Variants in GMDS observed in about 807,000 individuals in gnomAD.
GMDS encodes the protein GDP-mannose 4,6 dehydratase.
A neutral mutation model predicts 49.9 loss-of-function variants in GMDS; 20 were observed. The observed-to-expected ratio is 0.40, with a 90% confidence interval of 0.28 to 0.58. The LOEUF is 0.58. Among genes scored for constraint, GMDS ranks in the 20% least tolerant of loss-of-function variants. The pLI is 0.42. For synonymous variants in GMDS, 177 were observed against 178.6 expected (o/e 0.99, Z 0.07); for missense variants, 362 against 481.4 (o/e 0.75, Z 2.32).
rs1281246054 is a variant in GMDS at position 2,185,990 on chromosome 6, G to A, written c.102+59331C>T. On this transcript the variant is annotated intron_variant, in intron 1 of 10. Transcript: ENST00000380815. ...TTTAGTAATAATTCTCAAAAAATAA[G>A]TTAACATATATTTATTAAATTCTTA... 2.1e-5 allele frequency among the ~76,000 whole-genome samples: 3 copies of A among 145,490 alleles called. No individual in the cohort carries two copies. The East Asian group carries it at 5.8e-4, about 28-fold the overall frequency.
At position 1,833,846 on chromosome 6, in the gene GMDS, T is replaced by C; in HGVS notation, c.772-91260A>G. Among the ~76,000 whole-genome samples the C allele has an allele frequency of 6.6e-6, 1 of 152,212 alleles. No homozygotes were observed. The highest frequency in any genetic ancestry group is 2.1e-4 in the South Asian group (1 of 4,824). On this transcript the variant is annotated intron_variant, in intron 7 of 10. Transcript: ENST00000380815. This position sits in a 1 kb window ranked among gnomAD's most constrained non-coding sequence, Gnocchi z 4.4. ...ACAAACAAAGTAAATTAAGAAGTTGTTGGTTAGGTTTTCTCTATTTCTAGT... is the reference window on the plus strand; with the variant it reads ...ACAAACAAAGTAAATTAAGAAGTTGCTGGTTAGGTTTTCTCTATTTCTAGT...
In GMDS at chr6:1,821,611, G is replaced by GTTTT. The variant is rs3039703; in HGVS notation, c.772-79029_772-79026dup. Among the ~76,000 whole-genome samples, 6 of 109,838 alleles carry GTTTT rather than the reference G, an allele frequency of 5.5e-5. No individual in the cohort carries two copies. The East Asian group carries it at 1.1e-3, about 21-fold the overall frequency. The allele number at this position is 109,838 out of a possible 152,430, so 72.1% of individuals were successfully genotyped here. A position where few individuals can be genotyped will look rare whatever the true frequency, so the allele number is the denominator to read the frequency against. ...TAGCGCAGCTGCTAACAATTTATTT[G>GTTTT]TTTTTTTTTTTTTTTTTTTTTTTTT... is the stretch of plus-strand genomic sequence containing the variant. On this transcript the variant is annotated intron_variant, in intron 7 of 10. Coordinates refer to ENST00000380815, the MANE Select transcript of GMDS (RefSeq NM_001500.4).
intron 6 of GMDS, among the ~76,000 whole-genome samples, chr6:1,933,667 A>G (rs1213707476): frequency 6.6e-6 from 1 of 152,220 alleles, no homozygotes; most frequent in Non-Finnish European, 1.5e-5. Flanking sequence ...TTGTATATCA[A>G]TTTTGGAGAC....
intron 1 of GMDS, among the ~76,000 whole-genome samples, chr6:2,186,739 G>A (rs914659749): frequency 1.3e-5 from 2 of 152,176 alleles, no homozygotes; most frequent in African/African-American, 4.8e-5. Context: ...AGGAGGATCT[G>A]ACTAATCAAG....
intron 6 of GMDS, among the ~76,000 whole-genome samples, chr6:1,946,211 G>A (rs988261774): frequency 6.6e-6 from 1 of 152,198 alleles, no homozygotes; most frequent in Admixed American, 6.5e-5. Flanking sequence ...GGCAGCTAAT[G>A]TAACTGGAAA....
intron 1 of GMDS, among the ~76,000 whole-genome samples, chr6:2,125,300 C>CAA (rs1554168131): frequency 6.6e-6 from 1 of 151,842 alleles, no homozygotes; most frequent in East Asian, 1.9e-4. Context: ...CAAAACAAAA[C>CAA]AAAAAATTGG....
intron 7 of GMDS, among the ~76,000 whole-genome samples, chr6:1,863,493 T>C (rs575138000): frequency 1.3e-5 from 2 of 152,300 alleles, no homozygotes; most frequent in Admixed American, 1.3e-4. Context: ...TGTGTGTGCG[T>C]GCATGTGTGT....
intron 8 of GMDS, among the ~76,000 whole-genome samples, chr6:1,733,040 T>G (rs1341102271): frequency 6.6e-6 from 1 of 152,188 alleles, no homozygotes; most frequent in Non-Finnish European, 1.5e-5. Context: ...ATGGGTATTC[T>G]GTCACACTAG....
chr6:2,005,928 T>C (rs1285146411), intron 4 of GMDS, among the ~76,000 whole-genome samples: 1 of 152,182 alleles, frequency 6.6e-6, no homozygotes, highest in African/African-American at 2.4e-5. Flanking sequence ...CCTTGACACT[T>C]GGTGTTCCCA....
At chr6:1,926,142 C>A (rs556260935) in intron 7 of GMDS, among the ~76,000 whole-genome samples, 2 of 152,316 alleles carry the variant, frequency 1.3e-5, no homozygotes, top group African/African-American at 4.8e-5. Flanking sequence ...TAAAACCTTG[C>A]ACTCATTCTC....
rs1360642915 is a variant in GMDS at position 2,218,744 on chromosome 6, C to T, written c.102+26577G>A. Among the ~76,000 whole-genome samples the T allele has an allele frequency of 1.3e-5, 2 of 152,078 alleles. 1 individual carries two copies. The highest frequency in any genetic ancestry group is 2.9e-5 in the Non-Finnish European group (2 of 68,018). On this transcript the variant is annotated intron_variant, in intron 1 of 10. Coordinates refer to ENST00000380815, the MANE Select transcript of GMDS (RefSeq NM_001500.4). Reference sequence around the variant, plus strand: ...TCTAAAGTATTTCAGATTACAATCACCAGATCATTTATTGAGAGCTATGTT... The same window carrying T: ...TCTAAAGTATTTCAGATTACAATCATCAGATCATTTATTGAGAGCTATGTT...
At chr6:1,803,123 G>A (rs189940751) in intron 7 of GMDS, among the ~76,000 whole-genome samples, 105 of 152,244 alleles carry the variant, frequency 6.9e-4, no homozygotes, top group African/African-American at 2.5e-3. Flanking sequence ...GCAGGCAGCC[G>A]ACATAACTCA....
chr6:2,211,588 T>C (rs776347782), intron 1 of GMDS, among the ~76,000 whole-genome samples: 22 of 152,126 alleles, frequency 1.4e-4, no homozygotes, highest in Non-Finnish European at 2.4e-4. Context: ...CTCAAATAGG[T>C]CTATTTGAAA....
chr6:2,059,569 G>A (rs1025267792), intron 4 of GMDS, among the ~76,000 whole-genome samples: 8 of 147,476 alleles, frequency 5.4e-5, no homozygotes, highest in Non-Finnish European at 7.5e-5. Context: ...TTAGCCGGGC[G>A]TGGTAGCGGG....
At chr6:1,847,058 C>T (rs1346326723) in intron 7 of GMDS, among the ~76,000 whole-genome samples, 1 of 151,974 alleles carries the variant, frequency 6.6e-6, no homozygotes, top group East Asian at 1.9e-4. Context: ...ATATTTCCCC[C>T]ACCCCCTTTT....
At chr6:2,205,110 A>C (rs1779744166) in intron 1 of GMDS, among the ~76,000 whole-genome samples, 1 of 152,162 alleles carries the variant, frequency 6.6e-6, no homozygotes, top group Non-Finnish European at 1.5e-5. Flanking sequence ...AGTTTTTCTC[A>C]CTTAATTCTC....
chr6:1,849,392 G>A (rs535241300), intron 7 of GMDS, among the ~76,000 whole-genome samples: 12 of 152,262 alleles, frequency 7.9e-5, no homozygotes, highest in African/African-American at 2.4e-4. Context: ...CAGGCCACAC[G>A]TGCTCATGAA....
At chr6:1,728,953 A>C (rs1766690643) in intron 8 of GMDS, among the ~76,000 whole-genome samples, 2 of 151,862 alleles carry the variant, frequency 1.3e-5, no homozygotes, top group Admixed American at 1.3e-4. Flanking sequence ...AGTAAAAAAA[A>C]AAAACAAAAA....
chr6:2,197,465 C>T (rs1338385011), intron 1 of GMDS, among the ~76,000 whole-genome samples: 1 of 152,196 alleles, frequency 6.6e-6, no homozygotes, highest in Admixed American at 6.5e-5. Context: ...AGCTCCACTG[C>T]CTGTGTGGTC....
Sources: gnomAD v4.1 joint callset for allele counts (sites outside exome capture counted in the v4.1 genomes callset) on GRCh38, gnomAD v4.1.1 for gene constraint, Gnocchi (gnomAD v3.1) non-coding constraint, MANE v1.5 for transcripts, NCBI Gene and HGNC (gene_info 2026-07-23, HGNC 2026-07-21) for gene names.